UQCC1: variants seen among roughly 807,000 people sequenced by gnomAD.
UQCC1 encodes ubiquinol-cytochrome c reductase complex assembly factor 1.
A neutral mutation model predicts 48.0 loss-of-function variants in UQCC1; 38 were observed. The observed-to-expected ratio is 0.79, with a 90% CI of 0.61 to 1.04. The LOEUF (loss-of-function observed/expected upper bound fraction) is 1.04, where lower values mean the gene tolerates loss of function less well. Ranked by LOEUF, UQCC1 falls within the 50% of genes least tolerant of loss-of-function variation. The pLI, the probability that UQCC1 is intolerant of heterozygous loss-of-function variation, is 0.00. For synonymous variants in UQCC1, 111 were observed against 129.2 expected (o/e 0.86, Z 0.95); for missense variants, 368 against 381.8 (o/e 0.96, Z 0.30).
intron 1 of UQCC1, among the ~76,000 whole-genome samples, chr20:35,404,096 G>A (rs1199379215): frequency 6.6e-6 from 1 of 151,784 alleles, no homozygotes; most frequent in Admixed American, 6.6e-5. Context: ...AATTAGCCAG[G>A]CGTGGCCGGG....
At chr20:35,366,490 TATACCTTAC>T in intron 6 of UQCC1, 58 bp downstream of exon 6, 2 of 1,426,986 alleles carry the variant, frequency 1.4e-6, no homozygotes, top group Admixed American at 1.7e-5. Flanking sequence ...TCCTGAAGGC[TATACCTTAC>T]AAGTCAGCAG....
intron 4 of UQCC1, among the ~76,000 whole-genome samples, chr20:35,376,611 C>A (rs2061803418): frequency 6.6e-6 from 1 of 151,732 alleles, no homozygotes; most frequent in Non-Finnish European, 1.5e-5. Context: ...AACCTCCCCA[C>A]AATGCAAACT....
At position 35,303,921 on chromosome 20, in the gene UQCC1, GAGGGCCCAGCCCATC is replaced by G. The variant is rs1208402853; in HGVS notation, c.899_*13del. 6 of 1,614,050 alleles carry G rather than the reference GAGGGCCCAGCCCATC, an allele frequency of 3.7e-6. No individual in the cohort carries two copies. Among genetic ancestry groups the G allele is most frequent in the Non-Finnish European group, 5.1e-6 (6 of 1,180,020 alleles). On this transcript the variant is annotated stop_lost and 3_prime_UTR_variant, in exon 10 of 10. Transcript: ENST00000374385. Reference sequence around the variant, plus strand: ...TCGAAGCCAGCTGGCGGGCCGTGCGGAGGGCCCAGCCCATCAAAGTCCCTCGTCGTTGTAAGTCGG... The same window carrying G: ...TCGAAGCCAGCTGGCGGGCCGTGCGGAAAGTCCCTCGTCGTTGTAAGTCGG...
At chr20:35,384,251 G>T in intron 2 of UQCC1, 118 bp from the exon 3 acceptor site, 2 of 774,294 alleles carry the variant, frequency 2.6e-6, no homozygotes, top group Non-Finnish European at 4.1e-6. Flanking sequence ...CCACTTCCCC[G>T]TGATCAGCTC....
intron 8 of UQCC1, 145 bp from the exon 9 acceptor site, chr20:35,306,924 A>T: frequency 1.4e-6 from 1 of 707,146 alleles, no homozygotes; most frequent in South Asian, 1.5e-5. Context: ...GCAGTCACAC[A>T]GTAGAGGTGG....
chr20:35,350,117 A>C (rs930801727), intron 6 of UQCC1, among the ~76,000 whole-genome samples: 1 of 152,200 alleles, frequency 6.6e-6, no homozygotes, highest in Non-Finnish European at 1.5e-5. Context: ...ACTAACAGGA[A>C]TGTCTAAAGT....
intron 7 of UQCC1, among the ~76,000 whole-genome samples, chr20:35,319,690 C>T (rs926188989): frequency 1.3e-5 from 2 of 152,010 alleles, no homozygotes; most frequent in African/African-American, 2.4e-5. Context: ...GGTTACTAAT[C>T]GGCAGATTAA....
chr20:35,323,856 G>C (rs1182374472), intron 7 of UQCC1, among the ~76,000 whole-genome samples: 3 of 152,202 alleles, frequency 2.0e-5, no homozygotes, highest in Non-Finnish European at 4.4e-5. Flanking sequence ...GTTGATCCTA[G>C]AATGCTGTCC....
At chr20:35,393,285 CA>C (rs201535062) in intron 2 of UQCC1, among the ~76,000 whole-genome samples, 15 of 149,106 alleles carry the variant, frequency 1.0e-4, no homozygotes, top group Non-Finnish European at 1.9e-4. Context: ...CTTATAATGG[CA>C]AAAAAAAGGA....
chr20:35,338,371 A>G (rs1424369421), intron 7 of UQCC1, among the ~76,000 whole-genome samples: 1 of 152,148 alleles, frequency 6.6e-6, no homozygotes, highest in Non-Finnish European at 1.5e-5. Context: ...CTTTCTTTCA[A>G]TTGGAAGGTA....
At chr20:35,362,196 A>G (rs1176571831) in intron 6 of UQCC1, among the ~76,000 whole-genome samples, 1 of 152,170 alleles carries the variant, frequency 6.6e-6, no homozygotes, top group Non-Finnish European at 1.5e-5. Flanking sequence ...AGGCAGAAGA[A>G]ACTTTGTGCA....
intron 4 of UQCC1, among the ~76,000 whole-genome samples, chr20:35,376,153 C>G (rs2061796810): frequency 7.1e-6 from 1 of 140,976 alleles, no homozygotes; most frequent in South Asian, 2.3e-4. Flanking sequence ...ACTAAAAATA[C>G]AAAAATTAGC....
intron 6 of UQCC1, among the ~76,000 whole-genome samples, chr20:35,357,750 A>C (rs2061562826): frequency 6.6e-6 from 1 of 152,096 alleles, no homozygotes; most frequent in Admixed American, 6.5e-5. Flanking sequence ...TAAAAATAAA[A>C]GACTTGAAGA....
intron 7 of UQCC1, among the ~76,000 whole-genome samples, chr20:35,317,687 G>A (rs543684345): frequency 2.6e-5 from 4 of 152,258 alleles, no homozygotes; most frequent in Middle Eastern, 3.4e-3. Flanking sequence ...GATTAATCTC[G>A]GCACCCCCAT....
chr20:35,336,068 T>C (rs2146357929), intron 7 of UQCC1, among the ~76,000 whole-genome samples: 1 of 152,288 alleles, frequency 6.6e-6, no homozygotes, highest in East Asian at 1.9e-4. Context: ...AATGCTACAA[T>C]ACAAGTGGAT....
At chr20:35,306,496 T>C in intron 9 of UQCC1, 170 bp downstream of exon 9, 2 of 590,066 alleles carry the variant, frequency 3.4e-6, no homozygotes, top group South Asian at 3.9e-5. Context: ...GCCCAGTTCA[T>C]GGTTGGACAT....
At chr20:35,339,396 G>C (rs1424819434) in intron 7 of UQCC1, among the ~76,000 whole-genome samples, 1 of 152,146 alleles carries the variant, frequency 6.6e-6, no homozygotes, top group Non-Finnish European at 1.5e-5. Flanking sequence ...ACTGGAAAAA[G>C]CTTCTTGGAG....
chr20:35,314,162 C>T (rs561157049), intron 8 of UQCC1, among the ~76,000 whole-genome samples: 1 of 151,808 alleles, frequency 6.6e-6, no homozygotes, highest in East Asian at 1.9e-4. Context: ...CGGGGTTTCA[C>T]CATGTTGGCC....
intron 4 of UQCC1, 55 bp from the exon 5 acceptor site, chr20:35,374,311 T>C: frequency 7.4e-7 from 1 of 1,356,126 alleles, no homozygotes; most frequent in Non-Finnish European, 1.0e-6. Context: ...ATGTTCTACT[T>C]CCATTAGACA....
Sources: allele counts gnomAD v4.1 joint callset (sites outside exome capture counted in the v4.1 genomes callset), GRCh38; gene constraint gnomAD v4.1.1; transcripts MANE v1.5; gene names NCBI Gene and HGNC (gene_info 2026-07-23, HGNC 2026-07-21).